The following SIPA1L2 variants were observed in gnomAD, a reference collection of about 807,000 sequenced individuals.
SIPA1L2 encodes the protein signal induced proliferation associated 1 like 2.
Under a neutral mutation model 163.9 loss-of-function variants are expected in SIPA1L2, and 56 were observed. The observed-to-expected ratio is 0.34, with a 90% CI of 0.28 to 0.43. The LOEUF (loss-of-function observed/expected upper bound fraction) is 0.43, where lower values mean the gene tolerates loss of function less well. SIPA1L2 is among the 20% of genes least tolerant of loss of function. The probability of loss-of-function intolerance (pLI) is 1.00; values close to 1 mark genes in which losing one functional copy is unlikely to be tolerated. For synonymous variants in SIPA1L2, 877 were observed against 865.7 expected, an observed-to-expected ratio of 1.01 and a Z score of -0.23; for missense variants, 1,974 against 2,193.5, an observed-to-expected ratio of 0.90 and a Z score of 2.00.
At chr1:232,536,616 C>T (rs1558252472) in intron 2 of SIPA1L2, among the ~76,000 whole-genome samples, 1 of 152,268 alleles carries the variant, frequency 6.6e-6, no homozygotes, top group African/African-American at 2.4e-5. Context: ...AATCTGTCAA[C>T]GGACTGGTGA....
intron 8 of SIPA1L2, among the ~76,000 whole-genome samples, chr1:232,468,660 ATT>A (rs1484962350): frequency 6.6e-6 from 1 of 152,132 alleles, no homozygotes; most frequent in African/African-American, 2.4e-5. Context: ...CTGTCACCTA[ATT>A]TTTGTCAGAA....
intron 7 of SIPA1L2, among the ~76,000 whole-genome samples, chr1:232,473,765 T>C (rs948347725): frequency 6.6e-6 from 1 of 152,166 alleles, no homozygotes; most frequent in Non-Finnish European, 1.5e-5. Context: ...TAATGCACTT[T>C]GTAGAAAAAA....
chr1:232,429,718 C>A (rs538016886), intron 16 of SIPA1L2, among the ~76,000 whole-genome samples: 87 of 151,654 alleles, frequency 5.7e-4, no homozygotes, highest in Non-Finnish European at 1.1e-3. Flanking sequence ...GAAACCAAGA[C>A]GCTGGAGGGC....
At chr1:232,449,651 C>T (rs980960888) in intron 10 of SIPA1L2, among the ~76,000 whole-genome samples, 1 of 150,938 alleles carries the variant, frequency 6.6e-6, no homozygotes, top group Non-Finnish European at 1.5e-5. Context: ...AGTATATGAA[C>T]ATTTCTAGAA....
At chr1:232,532,006 T>C (rs1656994205) in intron 2 of SIPA1L2, among the ~76,000 whole-genome samples, 1 of 152,144 alleles carries the variant, frequency 6.6e-6, no homozygotes, top group Admixed American at 6.5e-5. Context: ...ACAGGAAGGA[T>C]TTGACTTTCA....
intron 10 of SIPA1L2, among the ~76,000 whole-genome samples, chr1:232,446,411 T>C (rs570097412): frequency 1.3e-4 from 20 of 152,292 alleles, no homozygotes; most frequent in African/African-American, 4.1e-4. Context: ...ATGATGGAAA[T>C]GTCCATTATC....
intron 2 of SIPA1L2, among the ~76,000 whole-genome samples, chr1:232,544,361 A>G (rs979069652): frequency 6.6e-6 from 1 of 152,144 alleles, no homozygotes; most frequent in Non-Finnish European, 1.5e-5. Context: ...GGAGATGGAG[A>G]CTATCCTGGC....
intron 1 of SIPA1L2, among the ~76,000 whole-genome samples, chr1:232,619,970 C>T (rs775447871): frequency 6.6e-6 from 1 of 152,136 alleles, no homozygotes; most frequent in South Asian, 2.1e-4. Flanking sequence ...CTGCAACCTC[C>T]GCCTCCCGAG....
intron 18 of SIPA1L2, among the ~76,000 whole-genome samples, chr1:232,418,990 C>T (rs1040808887): frequency 2.6e-5 from 4 of 152,172 alleles, no homozygotes; most frequent in African/African-American, 9.7e-5. Context: ...TGAAGCTTTA[C>T]ATCAAAGAAA....
At chr1:232,495,751 A>C (rs1405589596) in intron 3 of SIPA1L2, among the ~76,000 whole-genome samples, 1 of 152,142 alleles carries the variant, frequency 6.6e-6, no homozygotes, top group South Asian at 2.1e-4. Flanking sequence ...GAGGCTGAAA[A>C]ACTACTATTG....
chr1:232,595,295 G>A (rs61826620), intron 1 of SIPA1L2, among the ~76,000 whole-genome samples: 20,519 of 152,110 alleles, frequency 0.13, 1,576 homozygotes, highest in Middle Eastern at 0.23. Context: ...ACAAAGCCTC[G>A]GGGCAACAAA....
intron 10 of SIPA1L2, among the ~76,000 whole-genome samples, chr1:232,446,544 A>G (rs1663228437): frequency 6.6e-6 from 1 of 152,234 alleles, no homozygotes; most frequent in South Asian, 2.1e-4. Flanking sequence ...CTAAATAGAA[A>G]GAGAAAAGCT....
chr1:232,544,153 C>T (rs1028493822), intron 2 of SIPA1L2, among the ~76,000 whole-genome samples: 5 of 151,522 alleles, frequency 3.3e-5, no homozygotes, highest in African/African-American at 4.9e-5. Flanking sequence ...CTCTTATTCA[C>T]GGAATAAGCA....
intron 14 of SIPA1L2, among the ~76,000 whole-genome samples, chr1:232,439,909 A>G (rs1662790257): frequency 6.6e-6 from 1 of 152,220 alleles, no homozygotes; most frequent in Non-Finnish European, 1.5e-5. Flanking sequence ...TTCAGGGCAG[A>G]AGACTTAGGT....
intron 18 of SIPA1L2, among the ~76,000 whole-genome samples, chr1:232,421,409 C>T (rs1448077449): frequency 6.6e-6 from 1 of 150,752 alleles, no homozygotes; most frequent in Non-Finnish European, 1.5e-5. Context: ...GAGTTTATTG[C>T]TATTATTATA....
rs376521921 is a variant in SIPA1L2, at chr1:232,441,813, C to T, written c.3493G>A (p.Gly1165Arg). ...HQGSGPLECD[G>R]AREREDTMEA... ...ATGGTGTCTTCCCTCTCCCTGGCTCCGTCACATTCCAAAGGGCCTGAGCCC... is the reference window on the plus strand; with the variant it reads ...ATGGTGTCTTCCCTCTCCCTGGCTCTGTCACATTCCAAAGGGCCTGAGCCC... The change falls in exon 13 of 23, where the codon GGA (glycine) becomes AGA (arginine). Residue 1165 changes from glycine (G) to arginine (R), a missense_variant. Physicochemically the swap from Gly to Arg is moderately radical, Grantham distance 125. Coordinates refer to ENST00000674635, the MANE Select transcript of SIPA1L2 (RefSeq NM_020808.5). 16 of 1,613,722 alleles carry T rather than the reference C, an allele frequency of 9.9e-6. No homozygotes were observed. The highest frequency in any genetic ancestry group is 2.2e-5 in the East Asian group (1 of 44,874).
intron 2 of SIPA1L2, among the ~76,000 whole-genome samples, chr1:232,567,100 G>GA (rs1659449736): frequency 6.6e-6 from 1 of 152,170 alleles, no homozygotes; most frequent in Non-Finnish European, 1.5e-5. Flanking sequence ...CTGCCACAGA[G>GA]ATCTGGTAGT....
At chr1:232,549,052 G>T (rs1365226913) in intron 2 of SIPA1L2, among the ~76,000 whole-genome samples, 1 of 152,162 alleles carries the variant, frequency 6.6e-6, no homozygotes, top group African/African-American at 2.4e-5. Context: ...GAAGGAGGAG[G>T]AGCTTCCCCT....
intron 2 of SIPA1L2, among the ~76,000 whole-genome samples, chr1:232,572,200 C>A (rs1005285866): frequency 3.9e-5 from 6 of 152,274 alleles, no homozygotes; most frequent in African/African-American, 1.2e-4. Context: ...TGTGTCCGGG[C>A]AGCATGAGGT....
Sources: gnomAD v4.1 joint callset for allele counts (sites outside exome capture counted in the v4.1 genomes callset) on GRCh38, gnomAD v4.1.1 for gene constraint, MANE v1.5 for transcripts, NCBI Gene and HGNC (gene_info 2026-07-23, HGNC 2026-07-21) for gene names.